Variants in COPZ1 observed in about 807,000 individuals in gnomAD.
The protein encoded by COPZ1 is coat protein complex I subunit zeta 1.
In COPZ1, 4 loss-of-function variants were observed where a neutral mutation model predicts 31.7. That is an observed-to-expected ratio of 0.13 (90% CI 0.06 to 0.29). The LOEUF is 0.29. Among genes scored for constraint, COPZ1 ranks in the 10% least tolerant of loss-of-function variants. The pLI, the probability that COPZ1 is intolerant of heterozygous loss-of-function variation, is 1.00. For synonymous variants in COPZ1, 74 were observed against 79.0 expected, an observed-to-expected ratio of 0.94 and a Z score of 0.33; for missense variants, 156 against 211.5, an observed-to-expected ratio of 0.74 and a Z score of 1.63.
At chr12:54,342,853 CTT>C (rs11321130) in intron 3 of COPZ1, among the ~76,000 whole-genome samples, 1,279 of 94,620 alleles carry the variant, frequency 0.014, 11 homozygotes, top group African/African-American at 0.055. Flanking sequence ...GTAACGCCTT[CTT>C]TTTTTTTTTT....
At chr12:54,332,530 A>G (rs1953775624) in intron 1 of COPZ1, among the ~76,000 whole-genome samples, 1 of 152,048 alleles carries the variant, frequency 6.6e-6, no homozygotes, top group African/African-American at 2.4e-5. Context: ...TGAGGTCAGG[A>G]GTTCGAGACC....
chr12:54,332,328 CAACA>C (rs1322994222), intron 1 of COPZ1, among the ~76,000 whole-genome samples: 1 of 151,668 alleles, frequency 6.6e-6, no homozygotes, highest in Non-Finnish European at 1.5e-5. Context: ...AAAAATTTTC[CAACA>C]GACAGGCTTT....
intron 1 of COPZ1, among the ~76,000 whole-genome samples, chr12:54,327,275 T>G: frequency 6.7e-6 from 1 of 149,070 alleles, no homozygotes; most frequent in African/African-American, 2.5e-5. Flanking sequence ...TGTGAGTCAC[T>G]GCACCCCGGC....
intron 3 of COPZ1, 152 bp downstream of exon 3, chr12:54,342,439 T>C: frequency 1.6e-6 from 1 of 637,576 alleles, no homozygotes; most frequent in Non-Finnish European, 2.8e-6. Flanking sequence ...CAGAATGTAA[T>C]GGGGAGGTGA....
chr12:54,346,524 T>C (rs996858654), intron 5 of COPZ1: 1 of 654,752 alleles, frequency 1.5e-6, no homozygotes, highest in African/African-American at 1.8e-5. Context: ...CCACCTACCT[T>C]GGCCTCCCAA....
chr12:54,349,052 TA>T (rs1342279650), intron 7 of COPZ1, among the ~76,000 whole-genome samples: 2 of 152,200 alleles, frequency 1.3e-5, no homozygotes, highest in Non-Finnish European at 1.5e-5. Flanking sequence ...AAATCTCTCT[TA>T]ACTGCTGTGG....
In COPZ1 at chr12:54,350,556, C is replaced by G. The variant is rs773668773; in HGVS notation, c.*33C>G. ...ACTGTTCCTGGCTCTTCATCCTCTT[C>G]AAAAAATTTGCATGTCTGCTGTGAA... On this transcript the variant is annotated 3_prime_UTR_variant, in exon 9 of 9. Transcript: ENST00000262061. 1.3e-6 allele frequency: 2 copies of G among 1,590,558 alleles called. No individual in the cohort carries two copies. Among genetic ancestry groups the G allele is most frequent in the Non-Finnish European group, 1.7e-6 (2 of 1,158,572 alleles).
intron 1 of COPZ1, among the ~76,000 whole-genome samples, chr12:54,328,793 G>A (rs1217342857): frequency 6.6e-6 from 1 of 152,164 alleles, no homozygotes; most frequent in Non-Finnish European, 1.5e-5. Context: ...ATGTAATGCG[G>A]TTAGGGACAA....
chr12:54,327,584 A>G (rs906349098), intron 1 of COPZ1, among the ~76,000 whole-genome samples: 1 of 152,096 alleles, frequency 6.6e-6, no homozygotes, highest in Non-Finnish European at 1.5e-5. Context: ...GGAGTGAGCC[A>G]CCGTGCCCGG....
chr12:54,333,571 G>A (rs573722543), intron 1 of COPZ1, among the ~76,000 whole-genome samples: 10 of 152,250 alleles, frequency 6.6e-5, no homozygotes, highest in African/African-American at 2.4e-4. Context: ...GCCAGGCATG[G>A]TGGTGCATGC....
intron 3 of COPZ1, 48 bp from the exon 4 acceptor site, chr12:54,343,177 T>C (rs1196129062): frequency 4.8e-6 from 7 of 1,451,612 alleles, no homozygotes; most frequent in East Asian, 2.3e-5. Flanking sequence ...TCTTTCCTAC[T>C]TCCTTATCTC....
intron 1 of COPZ1, among the ~76,000 whole-genome samples, chr12:54,326,719 G>T (rs1419257004): frequency 2.0e-5 from 3 of 148,218 alleles, no homozygotes; most frequent in Non-Finnish European, 4.5e-5. Context: ...TTAACTCCCA[G>T]CCTTCTTCCT....
intron 1 of COPZ1, among the ~76,000 whole-genome samples, chr12:54,327,560 G>A (rs1953677112): frequency 6.6e-6 from 1 of 152,148 alleles, no homozygotes; most frequent in Non-Finnish European, 1.5e-5. Context: ...GCCTCCCAAA[G>A]TGCTAGGATT....
chr12:54,335,399 G>T (rs1005042618), intron 1 of COPZ1, among the ~76,000 whole-genome samples: 20 of 151,066 alleles, frequency 1.3e-4, no homozygotes, highest in African/African-American at 4.3e-4. Flanking sequence ...CTTTTGGTAT[G>T]GCCTTAGGGA....
chr12:54,328,116 T>G (rs927903904), intron 1 of COPZ1, among the ~76,000 whole-genome samples: 1 of 146,148 alleles, frequency 6.8e-6, no homozygotes, highest in African/African-American at 2.5e-5. Flanking sequence ...CTACTAAAAA[T>G]ACAAAAAAAA....
intron 1 of COPZ1, among the ~76,000 whole-genome samples, chr12:54,334,829 C>T (rs1253203213): frequency 1.3e-5 from 2 of 152,060 alleles, no homozygotes; most frequent in Admixed American, 1.3e-4. Flanking sequence ...TGCACTTCAG[C>T]CTGGGCGACA....
chr12:54,347,477 T>G (rs1302660200), intron 5 of COPZ1, among the ~76,000 whole-genome samples: 1 of 152,250 alleles, frequency 6.6e-6, no homozygotes, highest in Non-Finnish European at 1.5e-5. Context: ...AGCAATGTTA[T>G]GAGCAGCATC....
intron 1 of COPZ1, among the ~76,000 whole-genome samples, chr12:54,327,994 G>A (rs1009077992): frequency 9.9e-5 from 15 of 150,790 alleles, no homozygotes; most frequent in Admixed American, 5.3e-4. Flanking sequence ...TCTGTCGGGC[G>A]CAGTGCAGTG....
intron 2 of COPZ1, among the ~76,000 whole-genome samples, chr12:54,340,853 C>T (rs954628826): frequency 2.0e-5 from 3 of 152,030 alleles, no homozygotes; most frequent in Non-Finnish European, 4.4e-5. Context: ...GCACGCGCTA[C>T]CACCCCCGGC....
Sources: allele counts gnomAD v4.1 joint callset (sites outside exome capture counted in the v4.1 genomes callset), GRCh38; gene constraint gnomAD v4.1.1; transcripts MANE v1.5; gene names NCBI Gene and HGNC (gene_info 2026-07-23, HGNC 2026-07-21).